LZTFL1: variants seen among roughly 807,000 people sequenced by gnomAD.
LZTFL1 encodes the protein leucine zipper transcription factor like 1, also known as leucine zipper transcription factor-like protein 1.
LZTFL1 carries 25 observed loss-of-function variants against 45.9 expected under a neutral mutation model. That is an observed-to-expected ratio of 0.54 (90% CI 0.40 to 0.76). LZTFL1 has a LOEUF of 0.76. Among genes scored for constraint, LZTFL1 ranks in the 30% least tolerant of loss-of-function variants. The pLI, the probability that LZTFL1 is intolerant of heterozygous loss-of-function variation, is 0.00. For synonymous variants in LZTFL1, 93 were observed against 117.4 expected (o/e 0.79, Z 1.35); for missense variants, 277 against 331.1 (o/e 0.84, Z 1.27).
chr3:45,902,179 C>T (rs199982423), intron 2 of LZTFL1: 45 of 319,028 alleles, frequency 1.4e-4, no homozygotes, highest in Non-Finnish European at 1.9e-4. Context: ...TGCCACTCGC[C>T]GGAGCATCAA....
At position 45,824,981 on chromosome 3, in the gene LZTFL1, CCTT is replaced by C. The variant is rs1700628431; in HGVS notation, c.*1330_*1332del. ...ATCTTCTTAAGACTGCCTTCTGTGT[CCTT>C]TTGCAGGGAAATTATCTTACCCTTT... On this transcript the variant is annotated 3_prime_UTR_variant, in exon 10 of 10. Transcript: ENST00000296135. 1 of 397,972 alleles carries C rather than the reference CCTT, an allele frequency of 2.5e-6. No homozygotes were observed. The highest frequency in any genetic ancestry group is 4.4e-6 in the Non-Finnish European group (1 of 225,722). 24.7% of individuals were successfully genotyped at this position (397,972 alleles called of 1,614,324 possible).
chr3:45,901,850 G>A lies in LZTFL1; in HGVS notation c.-215+11270C>T, dbSNP rs777133518. On this transcript the variant is annotated intron_variant, in intron 2 of 4. Transcript: ENST00000472635. This position sits in a 1 kb window ranked among gnomAD's most constrained non-coding sequence, Gnocchi z 4.3. Reference sequence around the variant, plus strand: ...TTACAAGGAGAGAGGGAAGCTTGAAGCTGTCGTCTATGTTGCTGGAGACAA... The same window carrying A: ...TTACAAGGAGAGAGGGAAGCTTGAAACTGTCGTCTATGTTGCTGGAGACAA... 1 of 1,611,912 alleles carries A rather than the reference G, an allele frequency of 6.2e-7. No individual in the cohort carries two copies. Among genetic ancestry groups the A allele is most frequent in the Non-Finnish European group, 8.5e-7 (1 of 1,178,098 alleles).
At position 45,825,583 on chromosome 3, in the gene LZTFL1, A is replaced by G. The variant is rs1247662480; in HGVS notation, c.*731T>C. Reference sequence around the variant, plus strand: ...AATATTACATTTATTCTGAGTCCAGATACTTTCTAAACTGTAGAAGTGCAG... The same window carrying G: ...AATATTACATTTATTCTGAGTCCAGGTACTTTCTAAACTGTAGAAGTGCAG... On this transcript the variant is annotated 3_prime_UTR_variant, in exon 10 of 10. Coordinates refer to ENST00000296135, the MANE Select transcript of LZTFL1 (RefSeq NM_020347.4). 6.6e-6 allele frequency: 1 copy of G among 152,190 alleles called. No individual in the cohort carries two copies. The highest frequency in any genetic ancestry group is 1.5e-5 in the Non-Finnish European group (1 of 68,004). The allele number at this position is 152,190 out of a possible 1,614,324, so 9.4% of individuals were successfully genotyped here. A position where few individuals can be genotyped will look rare whatever the true frequency, so the allele number is the denominator to read the frequency against.
At chr3:45,913,219 T>G in intron 1 of LZTFL1, 1 of 1,377,580 alleles carries the variant, frequency 7.3e-7, no homozygotes, top group Non-Finnish European at 1.0e-6. Flanking sequence ...AATGCTACTA[T>G]TGTTACTATT....
rs372514163 is a variant in LZTFL1, at chr3:45,890,350, C to CATAT, written c.-215+22766_-215+22769dup. ...ATATATATATAACATATATATATAA[C>CATAT]ATATATATATATATAACATATATAA... On this transcript the variant is annotated intron_variant, in intron 2 of 4. Transcript: ENST00000472635. 5.0e-3 allele frequency among the ~76,000 whole-genome samples: 116 copies of CATAT among 23,044 alleles called. 22 individuals carry two copies. The highest frequency in any genetic ancestry group is 0.017 in the African/African-American group (96 of 5,714). 15.1% of individuals were successfully genotyped at this position (23,044 alleles called of 152,430 possible). A position where few individuals can be genotyped will look rare whatever the true frequency, so the allele number is the denominator to read the frequency against.
chr3:45,838,941 G>T (rs1314634144), intron 1 of LZTFL1, among the ~76,000 whole-genome samples: 1 of 152,170 alleles, frequency 6.6e-6, no homozygotes, highest in Non-Finnish European at 1.5e-5. Context: ...TAACAAGACA[G>T]ATTTCTATTA....
At chr3:45,878,463 G>A (rs1701790582) in intron 2 of LZTFL1, among the ~76,000 whole-genome samples, 2 of 152,190 alleles carry the variant, frequency 1.3e-5, no homozygotes, top group South Asian at 4.1e-4. Flanking sequence ...CCAGGGACAG[G>A]GCAGGGGTTG....
Position 45,876,547 on chromosome 3 carries a change from C to A in LZTFL1, c.-214-17531G>T, listed in dbSNP as rs1235035034. On this transcript the variant is annotated intron_variant, in intron 2 of 4. Transcript: ENST00000472635. ...TAGACCCCAGAGGTAATCATGATAC[C>A]CTGACACACTTCAGTAGAAAGTACC... Among the ~76,000 whole-genome samples, 4 of 152,200 alleles carry A rather than the reference C, an allele frequency of 2.6e-5. No homozygotes were observed. In the East Asian group the frequency reaches 7.7e-4, roughly 29 times the overall value.
intron 3 of LZTFL1, 110 bp from the exon 4 acceptor site, chr3:45,834,408 G>T: frequency 1.5e-6 from 1 of 659,044 alleles, no homozygotes; most frequent in Non-Finnish European, 2.6e-6. Context: ...AGAGAACAGA[G>T]CAAGATGGAC....
intron 2 of LZTFL1, among the ~76,000 whole-genome samples, chr3:45,912,697 C>T (rs1702819447): frequency 6.6e-6 from 1 of 152,150 alleles, no homozygotes; most frequent in African/African-American, 2.4e-5. Context: ...CACGATTAGC[C>T]AATGAGCAGC....
upstream of LZTFL1, among the ~76,000 whole-genome samples, chr3:45,843,862 T>C (rs78240422): frequency 0.015 from 2,238 of 152,320 alleles, 54 homozygotes; most frequent in African/African-American, 0.051. Flanking sequence ...TAGTGCGGGT[T>C]GGTCACCAAA....
At chr3:45,903,784 G>A (rs1045568207) in intron 2 of LZTFL1, among the ~76,000 whole-genome samples, 6 of 152,174 alleles carry the variant, frequency 3.9e-5, no homozygotes, top group Admixed American at 2.6e-4. Flanking sequence ...AGATCAACGT[G>A]GGCCCAGCAC....
chr3:45,913,271 TC>T, intron 1 of LZTFL1: 2 of 951,542 alleles, frequency 2.1e-6, no homozygotes, highest in Non-Finnish European at 3.2e-6. Context: ...CTCTTGTTTT[TC>T]ATGAGGACCT....
intron 2 of LZTFL1, among the ~76,000 whole-genome samples, chr3:45,890,349 AC>A (rs1339917182): frequency 3.1e-3 from 9 of 2,908 alleles, no homozygotes; most frequent in African/African-American, 9.4e-3. Context: ...TATATATATA[AC>A]ATATATATAT....
At chr3:45,833,027 G>A (rs768360326) in intron 5 of LZTFL1, 23 bp downstream of exon 5, 14 of 1,570,924 alleles carry the variant, frequency 8.9e-6, no homozygotes, top group East Asian at 2.2e-5. Flanking sequence ...GAGACTTTCC[G>A]TTTCTCAAAA....
At chr3:45,883,522 G>C (rs901954477) in intron 2 of LZTFL1, 7 of 224,880 alleles carry the variant, frequency 3.1e-5, no homozygotes, top group African/African-American at 1.6e-4. Flanking sequence ...AGAGAAGATG[G>C]CTGTCCACCA....
chr3:45,863,893 A>G (rs985058944), intron 2 of LZTFL1, among the ~76,000 whole-genome samples: 1 of 152,232 alleles, frequency 6.6e-6, no homozygotes, highest in Non-Finnish European at 1.5e-5. Flanking sequence ...TCAGGGAAAC[A>G]TTTGGTGAAT....
At chr3:45,829,613 A>AG (rs1390929494) in intron 7 of LZTFL1, among the ~76,000 whole-genome samples, 3 of 150,598 alleles carry the variant, frequency 2.0e-5, no homozygotes, top group African/African-American at 7.3e-5. Flanking sequence ...CAAAAGAAAA[A>AG]AAAAAAAAAA....
chr3:45,911,235 T>C lies in LZTFL1; in HGVS notation c.-215+1885A>G, dbSNP rs575176437. 8.5e-5 allele frequency among the ~76,000 whole-genome samples: 13 copies of C among 152,270 alleles called. No homozygotes were observed. The South Asian group carries it at 2.7e-3, about 32-fold the overall frequency. On this transcript the variant is annotated intron_variant, in intron 2 of 4. Coordinates refer to the LZTFL1 transcript ENST00000472635. The stretch of plus-strand genomic sequence containing the variant: ...TTATTGGAAGGGTGTCAAATAACTC[T>C]AGGGCCATATTTTAAAATCACCAAA...
Sources: allele counts gnomAD v4.1 joint callset (sites outside exome capture counted in the v4.1 genomes callset), GRCh38; gene constraint gnomAD v4.1.1; non-coding constraint Gnocchi (gnomAD v3.1); transcripts MANE v1.5; gene names NCBI Gene and HGNC (gene_info 2026-07-23, HGNC 2026-07-21).